The following CORIN variants were observed in gnomAD, a reference collection of about 807,000 sequenced individuals.
CORIN encodes corin, serine peptidase.
Under a neutral mutation model 125.3 loss-of-function variants are expected in CORIN, and 117 were observed. That is an observed-to-expected ratio of 0.93 (90% CI 0.80 to 1.09). The LOEUF (loss-of-function observed/expected upper bound fraction) is 1.09, where lower values mean the gene tolerates loss of function less well. Among genes scored for constraint, CORIN ranks in the 50% least tolerant of loss-of-function variants. CORIN has a pLI of 0.00. For synonymous variants in CORIN, 450 were observed against 466.4 expected, an observed-to-expected ratio of 0.96 and a Z score of 0.45; for missense variants, 1,253 against 1,306.7, an observed-to-expected ratio of 0.96 and a Z score of 0.63.
intron 4 of CORIN, among the ~76,000 whole-genome samples, chr4:47,755,470 G>A (rs1729094157): frequency 6.6e-6 from 1 of 152,046 alleles, no homozygotes; most frequent in Non-Finnish European, 1.5e-5. Flanking sequence ...TTTTCTTTCT[G>A]TTCTTTATAT....
chr4:47,644,987 G>A, intron 14 of CORIN, 94 bp downstream of exon 14: 1 of 650,100 alleles, frequency 1.5e-6, no homozygotes, highest in East Asian at 2.6e-5. Context: ...AGATTTGTAT[G>A]CATATTTACA....
chr4:47,754,728 T>G (rs1729057924), intron 4 of CORIN, among the ~76,000 whole-genome samples: 1 of 152,084 alleles, frequency 6.6e-6, no homozygotes, highest in African/African-American at 2.4e-5. Flanking sequence ...AAACTGAGAT[T>G]TGCACTGAAG....
At chr4:47,711,290 G>A (rs7698516) in intron 5 of CORIN, among the ~76,000 whole-genome samples, 15,104 of 152,214 alleles carry the variant, frequency 0.099, 884 homozygotes, top group East Asian at 0.27. Context: ...TGCACTCCCC[G>A]CGTTTTTCAC....
At chr4:47,728,647 C>G (rs1727712642) in intron 5 of CORIN, among the ~76,000 whole-genome samples, 1 of 152,174 alleles carries the variant, frequency 6.6e-6, no homozygotes, top group African/African-American at 2.4e-5. Context: ...AGACTTTTGA[C>G]TTGTTGCTAA....
intron 2 of CORIN, 137 bp downstream of exon 2, chr4:47,806,766 T>A: frequency 1.2e-6 from 1 of 826,670 alleles, no homozygotes; most frequent in Non-Finnish European, 1.8e-6. Flanking sequence ...AACTGCAGAT[T>A]TGCATAACGT....
chr4:47,727,895 G>C (rs1727672069), intron 5 of CORIN, among the ~76,000 whole-genome samples: 1 of 152,084 alleles, frequency 6.6e-6, no homozygotes, highest in Admixed American at 6.6e-5. Flanking sequence ...TTGTACAAGG[G>C]CTGTGTACTT....
rs901354345 is a variant in CORIN at position 47,674,850 on chromosome 4, G to A, written c.1250-350C>T. On this transcript the variant is annotated intron_variant, in intron 9 of 21. Transcript: ENST00000273857. The stretch of plus-strand genomic sequence containing the variant: ...TCAAGAGATTTGAGGGACAGAGAAC[G>A]TTATAAAAATCTTGAAATTCTGAAT... Among the ~76,000 whole-genome samples the A allele has an allele frequency of 3.9e-5, 6 of 152,242 alleles. No individual in the cohort carries two copies. In the South Asian group the frequency reaches 6.2e-4, roughly 16 times the overall value.
intron 20 of CORIN, among the ~76,000 whole-genome samples, chr4:47,602,686 G>C (rs1249887281): frequency 6.6e-6 from 1 of 152,180 alleles, no homozygotes; most frequent in Non-Finnish European, 1.5e-5. Flanking sequence ...CTCCCAGAGA[G>C]AGATTCTGAA....
intron 17 of CORIN, among the ~76,000 whole-genome samples, chr4:47,626,016 T>C (rs1363088595): frequency 6.6e-6 from 1 of 152,238 alleles, no homozygotes; most frequent in Non-Finnish European, 1.5e-5. Flanking sequence ...TTTGTGTCTA[T>C]TCCTCTCTTA....
intron 5 of CORIN, among the ~76,000 whole-genome samples, chr4:47,732,088 T>C (rs1178859065): frequency 6.6e-6 from 1 of 152,108 alleles, no homozygotes; most frequent in African/African-American, 2.4e-5. Flanking sequence ...CATCAGTGCA[T>C]ATGTGGCTAT....
At chr4:47,674,860 T>C (rs1298600157) in intron 9 of CORIN, among the ~76,000 whole-genome samples, 1 of 152,210 alleles carries the variant, frequency 6.6e-6, no homozygotes, top group Non-Finnish European at 1.5e-5. Flanking sequence ...GTTATAAAAA[T>C]CTTGAAATTC....
chr4:47,615,540 G>A lies in CORIN; in HGVS notation c.2540+8031C>T, dbSNP rs574461751. Among the ~76,000 whole-genome samples, 3 of 152,258 alleles carry A rather than the reference G, an allele frequency of 2.0e-5. No individual in the cohort carries two copies. In the South Asian group the frequency reaches 6.2e-4, roughly 32 times the overall value. On this transcript the variant is annotated intron_variant, in intron 19 of 21. Transcript: ENST00000273857. ...AAGTTAAAATAACCTCATCAGGATG[G>A]GCTTGAATCCAATATGACTAATCCA...
intron 5 of CORIN, among the ~76,000 whole-genome samples, chr4:47,694,459 TTG>T (rs147979858): frequency 1.3e-5 from 2 of 151,220 alleles, no homozygotes; most frequent in African/African-American, 2.4e-5. Flanking sequence ...CCACCAAAGC[TTG>T]TGTGTGTGTG....
At chr4:47,673,816 G>A (rs1020253346) in intron 10 of CORIN, among the ~76,000 whole-genome samples, 15 of 152,292 alleles carry the variant, frequency 9.8e-5, no homozygotes, top group African/African-American at 3.4e-4. Context: ...GGGAGGCCCA[G>A]GCAGATGGAT....
rs554869133 is a variant in CORIN at position 47,638,867 on chromosome 4, G to A, written c.2198+3053C>T. On this transcript the variant is annotated intron_variant, in intron 16 of 21. Coordinates refer to ENST00000273857, the MANE Select transcript of CORIN (RefSeq NM_006587.4). Reference sequence around the variant, plus strand: ...AGATAGCAACAGATGAAAGCAAAAAGTTTTCAAATTCAACAAAGAACTCTA... The same window carrying A: ...AGATAGCAACAGATGAAAGCAAAAAATTTTCAAATTCAACAAAGAACTCTA... Among the ~76,000 whole-genome samples the A allele has an allele frequency of 8.5e-5, 13 of 152,288 alleles. No homozygotes were observed. The South Asian group carries it at 2.5e-3, about 29-fold the overall frequency.
intron 5 of CORIN, among the ~76,000 whole-genome samples, chr4:47,696,407 G>C (rs1233896203): frequency 3.3e-5 from 5 of 152,084 alleles, no homozygotes; most frequent in Non-Finnish European, 5.9e-5. Flanking sequence ...TATTTACTGA[G>C]TGTCTACTAT....
Position 47,744,397 on chromosome 4 carries a change from C to T in CORIN, c.799+5G>A. 10 of 1,612,476 alleles carry T rather than the reference C, an allele frequency of 6.2e-6. No homozygotes were observed. The highest frequency in any genetic ancestry group is 3.3e-5 in the South Asian group (3 of 90,772). ...CTAAAAATGAAATGAAACACAGACACCTACATTGCTTTCCGTTTTCCTGCT... is the reference window on the plus strand; with the variant it reads ...CTAAAAATGAAATGAAACACAGACATCTACATTGCTTTCCGTTTTCCTGCT... On this transcript the variant is annotated splice_donor_5th_base_variant and intron_variant, in intron 5 of 21. Transcript: ENST00000273857.
chr4:47,793,915 A>T (rs377669169), intron 2 of CORIN, among the ~76,000 whole-genome samples: 12 of 152,284 alleles, frequency 7.9e-5, no homozygotes, highest in African/African-American at 2.9e-4. Context: ...AGTGATGCTG[A>T]TGCTGCTCGT....
chr4:47,757,905 T>TATATATATAC (rs1471519610), intron 4 of CORIN, among the ~76,000 whole-genome samples: 24 of 141,688 alleles, frequency 1.7e-4, no homozygotes, highest in African/African-American at 6.1e-4. Context: ...TATATATATA[T>TATATATATAC]ACACAAATAT....
Sources: allele counts gnomAD v4.1 joint callset (sites outside exome capture counted in the v4.1 genomes callset), GRCh38; gene constraint gnomAD v4.1.1; transcripts MANE v1.5; gene names NCBI Gene and HGNC (gene_info 2026-07-23, HGNC 2026-07-21).